The following NALF1 variants were observed in gnomAD, a reference collection of about 807,000 sequenced individuals.
NALF1 encodes family with sequence similarity 155 member A.
A neutral mutation model predicts 48.4 loss-of-function variants in NALF1; 3 were observed. The ratio of observed to expected loss-of-function variants is 0.06; its 90% CI spans 0.03 to 0.16. The LOEUF (loss-of-function observed/expected upper bound fraction) is 0.16. Ranked by LOEUF, NALF1 falls within the 10% of genes least tolerant of loss-of-function variation. NALF1 has a pLI of 1.00. For synonymous variants in NALF1, 262 were observed against 245.7 expected (o/e 1.07, Z -0.62); for missense variants, 526 against 571.5 (o/e 0.92, Z 0.81).
intron 1 of NALF1, among the ~76,000 whole-genome samples, chr13:107,476,385 T>C (rs1301182339): frequency 3.9e-5 from 6 of 152,150 alleles, no homozygotes; most frequent in Non-Finnish European, 7.4e-5. Flanking sequence ...TCCTTAACCA[T>C]CTGAGCATAT....
At chr13:107,824,945 C>T (rs1198551258) in intron 1 of NALF1, among the ~76,000 whole-genome samples, 1 of 152,108 alleles carries the variant, frequency 6.6e-6, no homozygotes, top group Non-Finnish European at 1.5e-5. Flanking sequence ...TGCTTTCCAC[C>T]TTTCCCGAAT....
intron 1 of NALF1, among the ~76,000 whole-genome samples, chr13:107,434,305 T>C (rs773758502): frequency 5.3e-5 from 8 of 152,318 alleles, no homozygotes; most frequent in Middle Eastern, 3.4e-3. Flanking sequence ...AGCCTGATTA[T>C]CATTGACACA....
Position 107,280,475 on chromosome 13 carries a change from T to A in NALF1, c.916-69720A>T, listed in dbSNP as rs192413527. ...TCATCAAACACTCAAGAGTGCCCCA[T>A]GTTTATCCATTATGTATTTCCTCAT... On this transcript the variant is annotated intron_variant, in intron 1 of 2. Coordinates refer to ENST00000375915, the MANE Select transcript of NALF1 (RefSeq NM_001080396.3). Among the ~76,000 whole-genome samples the A allele has an allele frequency of 3.3e-5, 5 of 152,354 alleles. No individual in the cohort carries two copies. The East Asian group carries it at 9.7e-4, about 29-fold the overall frequency.
In NALF1 at chr13:107,866,260, A is replaced by T; in HGVS notation, c.337T>A (p.Ser113Thr). 6.3e-7 allele frequency: 1 copy of T among 1,594,738 alleles called. No homozygotes were observed. Among genetic ancestry groups the T allele is most frequent in the South Asian group, 1.1e-5 (1 of 89,844 alleles). ...WPALLASMGE[S>T]SPAAQAHRLL... ...CTGTGTGCCTGGGCGGCGGGCGAGGACTCCCCCATGCTCGCCAGGAGCGCG... is the reference window on the plus strand; with the variant it reads ...CTGTGTGCCTGGGCGGCGGGCGAGGTCTCCCCCATGCTCGCCAGGAGCGCG... The change falls in exon 1 of 3, where the codon TCC becomes ACC. Residue 113 changes from serine to threonine, a missense_variant. By Grantham distance (58) the Ser-to-Thr change is moderately conservative. Transcript: ENST00000375915. This position sits in a 1 kb window ranked among gnomAD's most constrained non-coding sequence, Gnocchi z 4.4.
chr13:107,214,220 G>A (rs1879826309), intron 1 of NALF1, among the ~76,000 whole-genome samples: 1 of 152,174 alleles, frequency 6.6e-6, no homozygotes, highest in Non-Finnish European at 1.5e-5. Flanking sequence ...GGAAGGGGTT[G>A]AAAAGGATGT....
chr13:107,450,216 G>T (rs180966671), intron 1 of NALF1, among the ~76,000 whole-genome samples: 5 of 152,184 alleles, frequency 3.3e-5, no homozygotes, highest in African/African-American at 1.2e-4. Flanking sequence ...GCTAGACCAA[G>T]AACACCCATA....
intron 1 of NALF1, among the ~76,000 whole-genome samples, chr13:107,265,402 T>C (rs958903468): frequency 1.3e-5 from 2 of 152,228 alleles, no homozygotes; most frequent in Non-Finnish European, 2.9e-5. Flanking sequence ...TTTTAAGGCA[T>C]GCTGTAGACT....
intron 1 of NALF1, among the ~76,000 whole-genome samples, chr13:107,513,119 T>A (rs961415592): frequency 1.3e-5 from 2 of 152,182 alleles, no homozygotes; most frequent in Non-Finnish European, 2.9e-5. Flanking sequence ...AAGGACTGCA[T>A]AAGGATTCGA....
intron 1 of NALF1, among the ~76,000 whole-genome samples, chr13:107,463,144 T>C (rs1055875809): frequency 6.6e-6 from 1 of 152,216 alleles, no homozygotes. Context: ...TAATACCAGA[T>C]ACAGTGCTTT....
intron 1 of NALF1, among the ~76,000 whole-genome samples, chr13:107,392,305 T>A (rs1023606194): frequency 6.6e-6 from 1 of 152,010 alleles, no homozygotes; most frequent in Non-Finnish European, 1.5e-5. Context: ...GGGAAGTGCA[T>A]CACCAGCACA....
chr13:107,507,555 T>C (rs572582383), intron 1 of NALF1, among the ~76,000 whole-genome samples: 3 of 133,334 alleles, frequency 2.2e-5, no homozygotes, highest in African/African-American at 8.9e-5. Flanking sequence ...TTTAAACATC[T>C]CCCATCATGT....
chr13:107,385,765 G>A (rs762739388), intron 1 of NALF1, among the ~76,000 whole-genome samples: 1 of 151,948 alleles, frequency 6.6e-6, no homozygotes, highest in Non-Finnish European at 1.5e-5. Context: ...AGTATTAAAA[G>A]GAACAAATTC....
chr13:107,866,703 C>CCGTTTCTTCTCTCTCCTCTCTCT lies in NALF1; in HGVS notation c.-130_-108dup, dbSNP rs1880742857. 5 of 866,778 alleles carry CCGTTTCTTCTCTCTCCTCTCTCT rather than the reference C, an allele frequency of 5.8e-6. No homozygotes were observed. The Admixed American group carries it at 1.0e-4, about 17-fold the overall frequency. The allele number at this position is 866,778 out of a possible 1,614,324, so 53.7% of individuals were successfully genotyped here. A position where few individuals can be genotyped will look rare whatever the true frequency, so the allele number is the denominator to read the frequency against. On this transcript the variant is annotated 5_prime_UTR_variant, in exon 1 of 3. Transcript: ENST00000375915. This position sits in a 1 kb window ranked among gnomAD's most constrained non-coding sequence, Gnocchi z 4.4. ...GGTTTAATTTCCTTATCCCCTCCTC[C>CCGTTTCTTCTCTCTCCTCTCTCT]CGTTTCTTCTCTCTCCTCTCTCTCT...
chr13:107,367,675 G>A (rs1883174832), intron 1 of NALF1, among the ~76,000 whole-genome samples: 1 of 152,192 alleles, frequency 6.6e-6, no homozygotes, highest in Non-Finnish European at 1.5e-5. Flanking sequence ...TACACGGGCA[G>A]AAGCGTACTG....
chr13:107,270,843 T>C lies in NALF1; in HGVS notation c.916-60088A>G, dbSNP rs1881150386. 2.3e-5 allele frequency among the ~76,000 whole-genome samples: 3 copies of C among 130,744 alleles called. No homozygotes were observed. The South Asian group carries it at 8.4e-4, about 37-fold the overall frequency. 85.8% of individuals were successfully genotyped at this position (130,744 alleles called of 152,430 possible). ...CTCCACCCCACAACAGGCCCCGGTG[T>C]GTGATGTTCCCCTTCCTGTGTCCAT... On this transcript the variant is annotated intron_variant, in intron 1 of 2. Transcript: ENST00000375915.
chr13:107,284,879 C>A (rs993839118), intron 1 of NALF1, among the ~76,000 whole-genome samples: 1 of 150,250 alleles, frequency 6.7e-6, no homozygotes, highest in East Asian at 2.0e-4. Flanking sequence ...GCGAGAAGTT[C>A]ATTTCTATTG....
intron 1 of NALF1, among the ~76,000 whole-genome samples, chr13:107,320,346 C>T (rs904079682): frequency 6.6e-6 from 1 of 151,992 alleles, no homozygotes; most frequent in Admixed American, 6.6e-5. Context: ...CAAAACCAAA[C>T]AAAAAAGACA....
intron 1 of NALF1, among the ~76,000 whole-genome samples, chr13:107,290,389 C>T (rs191080241): frequency 5.9e-5 from 9 of 152,234 alleles, no homozygotes; most frequent in Non-Finnish European, 1.2e-4. Context: ...TTGTAGTTCA[C>T]ATAATTACTA....
chr13:107,505,971 TC>T (rs1875685842), intron 1 of NALF1, among the ~76,000 whole-genome samples: 1 of 152,146 alleles, frequency 6.6e-6, no homozygotes, highest in Admixed American at 6.6e-5. Flanking sequence ...AAATGAAGGC[TC>T]AATAAATACT....
Sources: allele counts gnomAD v4.1 joint callset (sites outside exome capture counted in the v4.1 genomes callset), GRCh38; gene constraint gnomAD v4.1.1; non-coding constraint Gnocchi (gnomAD v3.1); transcripts MANE v1.5; gene names NCBI Gene and HGNC (gene_info 2026-07-23, HGNC 2026-07-21).